The following ACER3 variants were observed in gnomAD, a reference collection of about 807,000 sequenced individuals.
ACER3 encodes the protein alkCDase 3.
A neutral mutation model predicts 48.9 loss-of-function variants in ACER3; 16 were observed. The ratio of observed to expected loss-of-function variants is 0.33; its 90% confidence interval spans 0.22 to 0.50. ACER3 has a LOEUF of 0.50. Ranked by LOEUF, ACER3 falls within the 20% of genes least tolerant of loss-of-function variation. ACER3 has a pLI of 0.98. For synonymous variants in ACER3, 109 were observed against 107.8 expected, an observed-to-expected ratio of 1.01 and a Z score of -0.07; for missense variants, 227 against 326.0, an observed-to-expected ratio of 0.70 and a Z score of 2.34.
At chr11:76,889,027 C>T (rs1334764379) in intron 1 of ACER3, among the ~76,000 whole-genome samples, 1 of 152,190 alleles carries the variant, frequency 6.6e-6, no homozygotes, top group Non-Finnish European at 1.5e-5. Flanking sequence ...CTTGTTCCTT[C>T]GTGCTAGTGG....
At chr11:76,868,387 CTCTCTGTG>C (rs201919657) in intron 1 of ACER3, 87,632 of 397,924 alleles carry the variant, frequency 0.22, 9,625 homozygotes, top group Non-Finnish European at 0.24. Flanking sequence ...CTCTCTCTCT[CTCTCTGTG>C]TGTGTGTGTG....
chr11:76,993,525 A>G (rs1400510284), intron 6 of ACER3, among the ~76,000 whole-genome samples: 1 of 152,244 alleles, frequency 6.6e-6, no homozygotes, highest in African/African-American at 2.4e-5. Flanking sequence ...AGACAAGGGT[A>G]AGCTCTGTCT....
At chr11:76,959,092 G>A (rs758828041) in intron 3 of ACER3, 61 bp downstream of exon 3, 1 of 1,610,838 alleles carries the variant, frequency 6.2e-7, no homozygotes, top group East Asian at 2.2e-5. Flanking sequence ...CTTCAGATTT[G>A]AGAAAAGAGC....
At chr11:76,949,186 A>C (rs750903355) in intron 2 of ACER3, among the ~76,000 whole-genome samples, 5 of 152,210 alleles carry the variant, frequency 3.3e-5, no homozygotes. Flanking sequence ...TCTATTATAC[A>C]CTTGAGAAAC....
intron 5 of ACER3, among the ~76,000 whole-genome samples, chr11:76,986,647 G>T (rs1247096067): frequency 6.6e-6 from 1 of 152,218 alleles, no homozygotes; most frequent in African/African-American, 2.4e-5. Context: ...AATTGGGCAA[G>T]ATTTAATATG....
chr11:76,930,372 C>T (rs1006434538), intron 2 of ACER3, among the ~76,000 whole-genome samples: 1 of 152,038 alleles, frequency 6.6e-6, no homozygotes, highest in South Asian at 2.1e-4. Flanking sequence ...CTTTATTGAT[C>T]TTGCTAGAGG....
intron 2 of ACER3, among the ~76,000 whole-genome samples, chr11:76,942,809 TC>T (rs1214844822): frequency 6.6e-6 from 1 of 152,042 alleles, no homozygotes; most frequent in East Asian, 1.9e-4. Context: ...ATCCATCTAC[TC>T]CTAGACTTTG....
intron 2 of ACER3, among the ~76,000 whole-genome samples, chr11:76,933,186 A>ATATATATATAT (rs1432115910): frequency 1.4e-5 from 2 of 147,306 alleles, no homozygotes; most frequent in East Asian, 3.9e-4. Context: ...ATATATATAT[A>ATATATATATAT]TATATATGAA....
intron 2 of ACER3, among the ~76,000 whole-genome samples, chr11:76,937,516 ATG>A (rs1290538988): frequency 6.6e-6 from 1 of 152,228 alleles, no homozygotes; most frequent in Non-Finnish European, 1.5e-5. Flanking sequence ...TACTATGAAG[ATG>A]TAGAAAGGAT....
intron 7 of ACER3, among the ~76,000 whole-genome samples, chr11:77,006,944 T>C (rs1318697758): frequency 6.6e-6 from 1 of 151,914 alleles, no homozygotes; most frequent in African/African-American, 2.4e-5. Flanking sequence ...ACCCCATCTG[T>C]AAAAAATAAA....
At chr11:76,977,862 A>C (rs1948484060) in intron 4 of ACER3, among the ~76,000 whole-genome samples, 1 of 152,210 alleles carries the variant, frequency 6.6e-6, no homozygotes, top group Admixed American at 6.5e-5. Flanking sequence ...CAGGCTTGAA[A>C]GTGCCTGCTC....
In ACER3 at chr11:76,873,149, G is replaced by A. The variant is rs1301997117; in HGVS notation, c.103+12070G>A. Among the ~76,000 whole-genome samples the A allele has an allele frequency of 2.6e-5, 4 of 151,808 alleles. No individual in the cohort carries two copies. In the East Asian group the frequency reaches 7.7e-4, roughly 29 times the overall value. ...TGCCCAGGCTGGTCTCGAACTCCTGGCCTCAAGCGATCCTCCCAAAGTGTT... is the reference window on the plus strand; with the variant it reads ...TGCCCAGGCTGGTCTCGAACTCCTGACCTCAAGCGATCCTCCCAAAGTGTT... On this transcript the variant is annotated intron_variant, in intron 1 of 10. Coordinates refer to ENST00000532485, the MANE Select transcript of ACER3 (RefSeq NM_018367.7).
At chr11:76,882,169 T>G (rs967654297) in intron 1 of ACER3, among the ~76,000 whole-genome samples, 4 of 152,020 alleles carry the variant, frequency 2.6e-5, no homozygotes, top group Non-Finnish European at 4.4e-5. Flanking sequence ...CACGCCCGGC[T>G]AATTTTTTTG....
At chr11:76,962,361 A>G (rs895650350) in intron 3 of ACER3, among the ~76,000 whole-genome samples, 1 of 150,492 alleles carries the variant, frequency 6.6e-6, no homozygotes, top group African/African-American at 2.5e-5. Context: ...CTGGGGTTAT[A>G]AGCACCCGCC....
chr11:76,921,964 G>A (rs1473368995), intron 1 of ACER3, among the ~76,000 whole-genome samples: 1 of 152,044 alleles, frequency 6.6e-6, no homozygotes, highest in African/African-American at 2.4e-5. Flanking sequence ...TAGTATTTCT[G>A]TTTTGTTTAG....
intron 1 of ACER3, among the ~76,000 whole-genome samples, chr11:76,900,824 A>G (rs1242440601): frequency 2.0e-5 from 3 of 152,174 alleles, no homozygotes; most frequent in Non-Finnish European, 2.9e-5. Context: ...TGTAGTATCT[A>G]TTAGGTATTT....
chr11:76,883,438 CTTTT>C (rs60656670), intron 1 of ACER3, among the ~76,000 whole-genome samples: 1 of 98,936 alleles, frequency 1.0e-5, no homozygotes, highest in Non-Finnish European at 1.9e-5. Flanking sequence ...GATTTTCTTG[CTTTT>C]TTTTTTTTTT....
chr11:76,886,515 T>G (rs1270892909), intron 1 of ACER3, among the ~76,000 whole-genome samples: 1 of 152,204 alleles, frequency 6.6e-6, no homozygotes, highest in Admixed American at 6.5e-5. Flanking sequence ...ATTATATGAT[T>G]GAAAAGGAAG....
chr11:76,863,804 A>T lies in ACER3; in HGVS notation c.103+2725A>T, dbSNP rs76430962. 2.6e-3 allele frequency among the ~76,000 whole-genome samples: 393 copies of T among 152,334 alleles called. 2 individuals carry two copies. Among genetic ancestry groups the T allele is most frequent in the African/African-American group, 9.0e-3 (376 of 41,580 alleles). Reference sequence around the variant, plus strand: ...AGGTATTATTATCCCCATTTCAAAGATAAGGAGATTGAAGTTCTAAGAAAT... The same window carrying T: ...AGGTATTATTATCCCCATTTCAAAGTTAAGGAGATTGAAGTTCTAAGAAAT... On this transcript the variant is annotated intron_variant, in intron 1 of 10. Transcript: ENST00000532485.
Sources: gnomAD v4.1 joint callset for allele counts (sites outside exome capture counted in the v4.1 genomes callset) on GRCh38, gnomAD v4.1.1 for gene constraint, MANE v1.5 for transcripts, NCBI Gene and HGNC (gene_info 2026-07-23, HGNC 2026-07-21) for gene names.